Variants in MACROD2 observed in about 807,000 individuals in gnomAD.
The protein encoded by MACROD2 is mono-ADP ribosylhydrolase 2.
Under a neutral mutation model 70.4 loss-of-function variants are expected in MACROD2, and 36 were observed. The observed-to-expected ratio is 0.51, with a 90% CI of 0.39 to 0.68. The LOEUF is 0.68. Ranked by LOEUF, MACROD2 falls within the 30% of genes least tolerant of loss-of-function variation. MACROD2 has a pLI of 0.00. For synonymous variants in MACROD2, 172 were observed against 178.8 expected (o/e 0.96, Z 0.30); for missense variants, 496 against 538.4 (o/e 0.92, Z 0.78).
intron 5 of MACROD2, among the ~76,000 whole-genome samples, chr20:15,020,340 TAGA>T (rs1460261450): frequency 6.6e-6 from 1 of 152,178 alleles, no homozygotes; most frequent in South Asian, 2.1e-4. Context: ...AGAGAGGAGT[TAGA>T]AGTTGTCTCA....
At chr20:15,061,472 C>T (rs531348208) in intron 5 of MACROD2, among the ~76,000 whole-genome samples, 27 of 152,246 alleles carry the variant, frequency 1.8e-4, no homozygotes, top group Middle Eastern at 3.4e-3. Context: ...TGGTAATGCA[C>T]GTGATAATGC....
chr20:15,587,032 C>A (rs896756472), intron 8 of MACROD2, among the ~76,000 whole-genome samples: 4 of 152,104 alleles, frequency 2.6e-5, no homozygotes, highest in African/African-American at 9.7e-5. Flanking sequence ...CAATATAATT[C>A]CAATAAAATA....
At chr20:14,657,193 A>T (rs1025523986) in intron 4 of MACROD2, among the ~76,000 whole-genome samples, 1 of 152,268 alleles carries the variant, frequency 6.6e-6, no homozygotes, top group Admixed American at 6.5e-5. Context: ...ATTCAAAATC[A>T]TTACAAAATA....
chr20:15,867,732 G>T lies in MACROD2; in HGVS notation c.727+4906G>T, dbSNP rs186039233. On this transcript the variant is annotated intron_variant, in intron 9 of 17. Coordinates refer to ENST00000684519, the MANE Select transcript of MACROD2 (RefSeq NM_001351661.2). ...CTACTAGAGTCTTAGTCCTGCTAGA[G>T]AACTGAAGGATATTAATTTTCCCCG... Among the ~76,000 whole-genome samples, 28 of 152,180 alleles carry T rather than the reference G, an allele frequency of 1.8e-4. No homozygotes were observed. The East Asian group carries it at 3.9e-3, about 21-fold the overall frequency.
At chr20:15,433,476 A>T (rs2046389160) in intron 7 of MACROD2, among the ~76,000 whole-genome samples, 1 of 150,852 alleles carries the variant, frequency 6.6e-6, no homozygotes, top group East Asian at 1.9e-4. Flanking sequence ...AAAAAAAAAA[A>T]AAAGATAAAA....
intron 6 of MACROD2, among the ~76,000 whole-genome samples, chr20:15,377,017 A>C (rs2045572154): frequency 6.6e-6 from 1 of 152,208 alleles, no homozygotes; most frequent in East Asian, 1.9e-4. Context: ...CAGCCTCCTG[A>C]GTAGCTGGGA....
chr20:14,028,649 C>T (rs753757632), intron 2 of MACROD2, among the ~76,000 whole-genome samples: 6 of 152,128 alleles, frequency 3.9e-5, no homozygotes, highest in Admixed American at 6.5e-5. Flanking sequence ...GGCACAGTCC[C>T]TCATGGCTTC....
intron 6 of MACROD2, among the ~76,000 whole-genome samples, chr20:15,249,481 A>C (rs2077135333): frequency 6.6e-6 from 1 of 152,188 alleles, no homozygotes; most frequent in Non-Finnish European, 1.5e-5. Flanking sequence ...CTCTGATTAG[A>C]GATCTTAGAG....
intron 3 of MACROD2, among the ~76,000 whole-genome samples, chr20:14,417,144 G>T (rs2083818761): frequency 6.6e-6 from 1 of 151,216 alleles, no homozygotes. Context: ...TTCTTCCTAA[G>T]TTCTAGACTT....
At chr20:14,193,418 C>A (rs1430869474) in intron 3 of MACROD2, among the ~76,000 whole-genome samples, 1 of 152,186 alleles carries the variant, frequency 6.6e-6, no homozygotes, top group African/African-American at 2.4e-5. Flanking sequence ...ATTATATTAT[C>A]AGGGCCCCAG....
intron 3 of MACROD2, among the ~76,000 whole-genome samples, chr20:14,093,694 CA>C (rs2054184303): frequency 6.7e-6 from 1 of 148,534 alleles, no homozygotes; most frequent in Non-Finnish European, 1.5e-5. Flanking sequence ...CAAAAATAAA[CA>C]AAAAAACCCC....
chr20:14,016,129 C>A (rs1232468350), intron 2 of MACROD2, among the ~76,000 whole-genome samples: 2 of 152,170 alleles, frequency 1.3e-5, no homozygotes, highest in African/African-American at 2.4e-5. Flanking sequence ...TCCAGTTTCT[C>A]CATGTTCTTG....
intron 3 of MACROD2, among the ~76,000 whole-genome samples, chr20:14,191,408 C>A (rs193160454): frequency 6.6e-6 from 1 of 152,136 alleles, no homozygotes; most frequent in Non-Finnish European, 1.5e-5. Context: ...ATCTCAGGAT[C>A]GTTTTTAATT....
In MACROD2 at chr20:15,292,426, C is replaced by T. The variant is rs558745599; in HGVS notation, c.540+62365C>T. Among the ~76,000 whole-genome samples, 87 of 152,268 alleles carry T rather than the reference C, an allele frequency of 5.7e-4. 1 individual carries two copies. The South Asian group carries it at 0.018, about 31-fold the overall frequency. On this transcript the variant is annotated intron_variant, in intron 6 of 17. Coordinates refer to ENST00000684519, the MANE Select transcript of MACROD2 (RefSeq NM_001351661.2). ...CACCTATCTTTTTCTTAGCTTATCA[C>T]TCACCCCGTATTAGCTTTTGCAATG...
At chr20:14,598,809 A>T (rs922829775) in intron 4 of MACROD2, among the ~76,000 whole-genome samples, 4 of 152,166 alleles carry the variant, frequency 2.6e-5, no homozygotes, top group African/African-American at 7.2e-5. Context: ...TGTGTTCTCC[A>T]TGGTGCTATG....
chr20:14,928,684 C>T (rs1442311963), intron 5 of MACROD2, among the ~76,000 whole-genome samples: 1 of 152,114 alleles, frequency 6.6e-6, no homozygotes, highest in Non-Finnish European at 1.5e-5. Context: ...CACATGATGC[C>T]ACATGGTAGC....
chr20:14,535,267 G>T (rs529835921), intron 4 of MACROD2, among the ~76,000 whole-genome samples: 1 of 152,124 alleles, frequency 6.6e-6, no homozygotes, highest in Non-Finnish European at 1.5e-5. Context: ...ACTTTGGGAG[G>T]CTGAGGCGGG....
chr20:15,490,044 T>A (rs927719464), intron 7 of MACROD2, among the ~76,000 whole-genome samples: 1 of 152,168 alleles, frequency 6.6e-6, no homozygotes, highest in Admixed American at 6.5e-5. Context: ...TTCAAGCAGA[T>A]GCAAGTCCAA....
intron 2 of MACROD2, among the ~76,000 whole-genome samples, chr20:14,054,587 A>G (rs2053611909): frequency 6.6e-6 from 1 of 152,172 alleles, no homozygotes. Flanking sequence ...TTTAAACTTT[A>G]AAAGTGGCCA....
Sources: gnomAD v4.1 joint callset for allele counts (sites outside exome capture counted in the v4.1 genomes callset) on GRCh38, gnomAD v4.1.1 for gene constraint, MANE v1.5 for transcripts, NCBI Gene and HGNC (gene_info 2026-07-23, HGNC 2026-07-21) for gene names.